The following CELF2 variants were observed in gnomAD, a reference collection of about 807,000 sequenced individuals.
The protein encoded by CELF2 is CUGBP Elav-like family member 2.
Under a neutral mutation model 62.6 loss-of-function variants are expected in CELF2, and 8 were observed. That is an observed-to-expected ratio of 0.13 (90% CI 0.07 to 0.23). The LOEUF (loss-of-function observed/expected upper bound fraction) is 0.23, where lower values mean the gene tolerates loss of function less well. CELF2 is among the 10% of genes least tolerant of loss of function. CELF2 has a pLI of 1.00. For synonymous variants in CELF2, 258 were observed against 250.0 expected (o/e 1.03, Z -0.30); for missense variants, 333 against 671.0 (o/e 0.50, Z 5.56).
chr10:11,046,184 G>T lies in CELF2; in HGVS notation c.74+28021G>T, dbSNP rs528994740. On this transcript the variant is annotated intron_variant, in intron 1 of 12. Coordinates refer to ENST00000633077, the MANE Select transcript of CELF2 (RefSeq NM_001326342.2). The surrounding 1 kb of genome is among the most constrained non-coding windows in gnomAD (Gnocchi z 4.6). ...GCACGCCAGCGGTTCTCAAAATCAC[G>T]GCACCGCTTGTCTAACAACACCGAA... Among the ~76,000 whole-genome samples the T allele has an allele frequency of 3.2e-4, 48 of 152,262 alleles. No homozygotes were observed. The highest frequency in any genetic ancestry group is 3.4e-3 in the Middle Eastern group (1 of 294).
At chr10:10,511,080 G>A in the CELF2 span, among the ~76,000 whole-genome samples, 1 of 152,194 alleles carries the variant, frequency 6.6e-6, no homozygotes, top group Non-Finnish European at 1.5e-5. Context: ...TCAGGGTTTT[G>A]AGCTAGAGAG....
chr10:11,185,956 C>T (rs1275314125), intron 2 of CELF2, among the ~76,000 whole-genome samples: 1 of 152,130 alleles, frequency 6.6e-6, no homozygotes, highest in Non-Finnish European at 1.5e-5. Context: ...ACATAAGTCA[C>T]CCAGACTTCA....
rs191628780 is a variant in CELF2, at chr10:10,807,043, A to G, written c.53+8226A>G. On this transcript the variant is annotated intron_variant, in intron 1 of 13. Coordinates refer to the CELF2 transcript ENST00000636488. ...TTGTCTCATTAAACTGGGCCAGATG[A>G]TATTTATATAAGTGCAGCAAAAATA... Among the ~76,000 whole-genome samples, 221 of 152,312 alleles carry G rather than the reference A, an allele frequency of 1.5e-3. 1 individual carries two copies. Among genetic ancestry groups the G allele is most frequent in the East Asian group, 5.8e-3 (30 of 5,188 alleles).
At chr10:10,828,890 G>A (rs568790295) in intron 1 of CELF2, among the ~76,000 whole-genome samples, 3 of 152,298 alleles carry the variant, frequency 2.0e-5, no homozygotes, top group East Asian at 3.9e-4. Context: ...GCTGAGCCTG[G>A]TTGGTCATTT....
intron 1 of CELF2, among the ~76,000 whole-genome samples, chr10:11,148,683 T>G (rs1261435613): frequency 6.6e-6 from 1 of 152,214 alleles, no homozygotes; most frequent in East Asian, 1.9e-4. Flanking sequence ...TTTAATAATG[T>G]ATGCTTTCAT....
chr10:10,767,782 G>C, the CELF2 span, among the ~76,000 whole-genome samples: 1 of 152,264 alleles, frequency 6.6e-6, no homozygotes, highest in Non-Finnish European at 1.5e-5. Flanking sequence ...GGATCACAAG[G>C]TCAGGAGATG....
rs1343613184 is a variant in CELF2, at chr10:11,217,410, C to A, written c.272-15C>A. On this transcript the variant is annotated splice_polypyrimidine_tract_variant and intron_variant, in intron 2 of 12. Coordinates refer to ENST00000633077, the MANE Select transcript of CELF2 (RefSeq NM_001326342.2). This position sits in a 1 kb window ranked among gnomAD's most constrained non-coding sequence, Gnocchi z 5.6. Reference sequence around the variant, plus strand: ...TTCACAGAAATTTCTAAAACCTTTTCATTTCTCTCTGTAGGTTGTTGTTTC... The same window carrying A: ...TTCACAGAAATTTCTAAAACCTTTTAATTTCTCTCTGTAGGTTGTTGTTTC... The A allele has an allele frequency of 1.3e-6, 2 of 1,595,700 alleles. No individual in the cohort carries two copies. The highest frequency in any genetic ancestry group is 3.4e-5 in the Admixed American group (2 of 58,866).
intron 1 of CELF2, among the ~76,000 whole-genome samples, chr10:10,830,096 A>G (rs1020110235): frequency 6.6e-6 from 1 of 151,928 alleles, no homozygotes; most frequent in Non-Finnish European, 1.5e-5. Context: ...ATAGGCAGTC[A>G]TGGGTCAAGA....
chr10:11,224,668 C>T lies in CELF2; in HGVS notation c.354+7161C>T, dbSNP rs1226875004. 7.2e-5 allele frequency among the ~76,000 whole-genome samples: 11 copies of T among 152,146 alleles called. No homozygotes were observed. Among genetic ancestry groups the T allele is most frequent in the Admixed American group, 7.2e-4 (11 of 15,264 alleles). The stretch of plus-strand genomic sequence containing the variant: ...ATTCTGTCATTAGCGTATAGGGTTT[C>T]CATGAGAACTCATCTCTGAGAATAT... On this transcript the variant is annotated intron_variant, in intron 3 of 12. Transcript: ENST00000633077. The surrounding 1 kb of genome is among the most constrained non-coding windows in gnomAD (Gnocchi z 4.5).
chr10:11,213,078 C>T lies in CELF2; in HGVS notation c.272-4347C>T, dbSNP rs1077505. On this transcript the variant is annotated intron_variant, in intron 2 of 12. Transcript: ENST00000633077. Reference sequence around the variant, plus strand: ...CATCAGCCTGTGCTGATCCCCAGAGCCCCCTGGCCGGTCACCTCTAACATG... The same window carrying T: ...CATCAGCCTGTGCTGATCCCCAGAGTCCCCTGGCCGGTCACCTCTAACATG... Among the ~76,000 whole-genome samples the T allele has an allele frequency of 2.0e-5, 3 of 152,088 alleles. No individual in the cohort carries two copies. In the East Asian group the frequency reaches 5.8e-4, roughly 30 times the overall value.
At chr10:10,723,862 G>A in the CELF2 span, among the ~76,000 whole-genome samples, 1 of 152,120 alleles carries the variant, frequency 6.6e-6, no homozygotes, top group Non-Finnish European at 1.5e-5. Flanking sequence ...CCTCTTGGAG[G>A]TATGGGAGCC....
At chr10:10,600,782 G>A in the CELF2 span, among the ~76,000 whole-genome samples, 3 of 152,142 alleles carry the variant, frequency 2.0e-5, no homozygotes, top group South Asian at 2.1e-4. Context: ...ATGAGCAAAC[G>A]AGTAGAACAT....
chr10:10,481,454 G>C, the CELF2 span, among the ~76,000 whole-genome samples: 1 of 151,990 alleles, frequency 6.6e-6, no homozygotes, highest in African/African-American at 2.4e-5. Flanking sequence ...GACTTCTTTG[G>C]GGAAAGGCAT....
In CELF2 at chr10:10,915,120, A is replaced by T. The variant is rs1032528083; in HGVS notation, c.54-4844A>T. Among the ~76,000 whole-genome samples the T allele has an allele frequency of 2.5e-5, 3 of 121,850 alleles. No homozygotes were observed. In the Admixed American group the frequency reaches 2.8e-4, roughly 11 times the overall value. The allele number at this position is 121,850 out of a possible 152,430, so 79.9% of individuals were successfully genotyped here. A position where few individuals can be genotyped will look rare whatever the true frequency, so the allele number is the denominator to read the frequency against. On this transcript the variant is annotated intron_variant, in intron 1 of 13. Transcript: ENST00000636488. The stretch of plus-strand genomic sequence containing the variant: ...GCACTCCAGCGTGGGCGACAGAGTG[A>T]AACTTTATTTTAAAAAAAAAAAAAA...
At chr10:11,194,185 C>T (rs1363593653) in intron 2 of CELF2, among the ~76,000 whole-genome samples, 1 of 152,126 alleles carries the variant, frequency 6.6e-6, no homozygotes, top group African/African-American at 2.4e-5. Context: ...CCTGCCTCAG[C>T]CTCCTGAGTA....
chr10:10,526,378 T>A, the CELF2 span, among the ~76,000 whole-genome samples: 1 of 152,196 alleles, frequency 6.6e-6, no homozygotes, highest in African/African-American at 2.4e-5. Context: ...TCACAAGGAA[T>A]GTTACAAAAG....
chr10:11,041,616 A>C lies in CELF2; in HGVS notation c.74+23453A>C, dbSNP rs17444288. The stretch of plus-strand genomic sequence containing the variant: ...TATGATTTATAATTCTTAGTTCTCA[A>C]CTCATTCGTAGTTTCTGATGAGTCA... On this transcript the variant is annotated intron_variant, in intron 1 of 12. Coordinates refer to ENST00000633077, the MANE Select transcript of CELF2 (RefSeq NM_001326342.2). Among the ~76,000 whole-genome samples the C allele has an allele frequency of 7.9e-3, 1,204 of 152,268 alleles. 8 individuals carry two copies. The highest frequency in any genetic ancestry group is 0.02 in the Middle Eastern group (6 of 294).
the CELF2 span, among the ~76,000 whole-genome samples, chr10:10,530,220 T>C: frequency 1.3e-5 from 2 of 152,056 alleles, no homozygotes; most frequent in Non-Finnish European, 2.9e-5. Flanking sequence ...TTCCCAAAAG[T>C]AAGAGGAGGA....
At chr10:11,093,179 A>T (rs1200218644) in intron 1 of CELF2, among the ~76,000 whole-genome samples, 2 of 152,144 alleles carry the variant, frequency 1.3e-5, no homozygotes, top group Non-Finnish European at 2.9e-5. Context: ...ACAGAAGAAG[A>T]AGTTCATGCT....
Sources: gnomAD v4.1 joint callset for allele counts (sites outside exome capture counted in the v4.1 genomes callset) on GRCh38, gnomAD v4.1.1 for gene constraint, Gnocchi (gnomAD v3.1) non-coding constraint, MANE v1.5 for transcripts, NCBI Gene and HGNC (gene_info 2026-07-23, HGNC 2026-07-21) for gene names.